The following TXLNB variants were observed in gnomAD, a reference collection of about 807,000 sequenced individuals.
TXLNB encodes taxilin beta.
A neutral mutation model predicts 57.4 loss-of-function variants in TXLNB; 37 were observed. The ratio of observed to expected loss-of-function variants is 0.64; its 90% CI spans 0.50 to 0.85. TXLNB has a LOEUF of 0.85. Among genes scored for constraint, TXLNB ranks in the 40% least tolerant of loss-of-function variants. TXLNB has a pLI of 0.00. For synonymous variants in TXLNB, 302 were observed against 309.6 expected, an observed-to-expected ratio of 0.98 and a Z score of 0.26; for missense variants, 848 against 825.6, an observed-to-expected ratio of 1.03 and a Z score of -0.33.
chr6:139,244,469 G>A (rs1376889946), intron 9 of TXLNB, 126 bp downstream of exon 9: 2 of 678,090 alleles, frequency 2.9e-6, no homozygotes, highest in African/African-American at 1.8e-5. Context: ...GTCACATCCT[G>A]CCACCCCAAA....
chr6:139,277,363 T>G (rs1215170178), intron 2 of TXLNB, among the ~76,000 whole-genome samples: 1 of 152,244 alleles, frequency 6.6e-6, no homozygotes, highest in Non-Finnish European at 1.5e-5. Context: ...AACACGGAGT[T>G]GCTGGGATTC....
At chr6:139,159,816 A>G in the TXLNB span, among the ~76,000 whole-genome samples, 1 of 152,222 alleles carries the variant, frequency 6.6e-6, no homozygotes, top group Non-Finnish European at 1.5e-5. Flanking sequence ...ATGACTTAAG[A>G]AGACCCTCCT....
At chr6:139,175,609 C>T in the TXLNB span, among the ~76,000 whole-genome samples, 6 of 152,150 alleles carry the variant, frequency 3.9e-5, no homozygotes, top group Non-Finnish European at 8.8e-5. Context: ...AAGATTAGCA[C>T]TGGAAAGGAC....
chr6:139,306,612 T>A, the TXLNB span, among the ~76,000 whole-genome samples: 3 of 152,352 alleles, frequency 2.0e-5, no homozygotes, highest in South Asian at 4.1e-4. Flanking sequence ...TATGGGCCTT[T>A]GATCTAAATA....
the TXLNB span, among the ~76,000 whole-genome samples, chr6:139,199,162 C>A: frequency 0.05 from 7,664 of 152,146 alleles, 211 homozygotes; most frequent in African/African-American, 0.064. Flanking sequence ...ATTCACACTC[C>A]GTTCAGCAAA....
chr6:139,166,371 A>G, the TXLNB span: 2 of 1,614,090 alleles, frequency 1.2e-6, no homozygotes, highest in African/African-American at 2.7e-5. Context: ...GTGTGCAACA[A>G]CGAGCACTGC....
the TXLNB span, among the ~76,000 whole-genome samples, chr6:139,172,950 C>T: frequency 1.3e-5 from 2 of 152,216 alleles, no homozygotes; most frequent in African/African-American, 2.4e-5. Flanking sequence ...TTATGGTCAT[C>T]GTTAGCAACA....
In TXLNB at chr6:139,288,453, C is replaced by T. The variant is rs949823219; in HGVS notation, c.424+23G>A. 4 of 1,603,640 alleles carry T rather than the reference C, an allele frequency of 2.5e-6. No homozygotes were observed. The South Asian group carries it at 3.3e-5, about 13-fold the overall frequency. ...TTAGGAATACCATACAGAAAAGTCA[C>T]ATATTTGAACATAACTACTTGCCTA... On this transcript the variant is annotated intron_variant, in intron 2 of 9. Transcript: ENST00000358430.
the TXLNB span, among the ~76,000 whole-genome samples, chr6:139,168,482 C>T: frequency 3.3e-5 from 5 of 149,698 alleles, no homozygotes; most frequent in African/African-American, 1.2e-4. Context: ...CTTTACAAAC[C>T]ATCTTTCAAA....
chr6:139,300,443 A>G, the TXLNB span, among the ~76,000 whole-genome samples: 6 of 152,056 alleles, frequency 3.9e-5, no homozygotes, highest in Non-Finnish European at 7.4e-5. Flanking sequence ...TATCTTCCCA[A>G]TTATGTCTCT....
chr6:139,251,810 A>C (rs1465145860), intron 7 of TXLNB, among the ~76,000 whole-genome samples: 2 of 152,242 alleles, frequency 1.3e-5, no homozygotes, highest in Admixed American at 1.3e-4. Flanking sequence ...TGAACCTGTG[A>C]GATTTGGTTT....
rs961313251 is a variant in TXLNB at position 139,240,189 on chromosome 6, A to G, written c.*2337T>C. ...AATAGTTACATACACTTGATAAAGA[A>G]CAGACATTCCTTCTGAATTTAGAAC... On this transcript the variant is annotated 3_prime_UTR_variant, in exon 10 of 10. Coordinates refer to ENST00000358430, the MANE Select transcript of TXLNB (RefSeq NM_153235.4). 2 of 152,652 alleles carry G rather than the reference A, an allele frequency of 1.3e-5. No homozygotes were observed. The highest frequency in any genetic ancestry group is 4.8e-5 in the African/African-American group (2 of 41,460). 9.5% of individuals were successfully genotyped at this position (152,652 alleles called of 1,614,324 possible).
At chr6:139,267,058 T>C (rs932038178) in intron 4 of TXLNB, among the ~76,000 whole-genome samples, 2 of 149,980 alleles carry the variant, frequency 1.3e-5, no homozygotes, top group Admixed American at 6.6e-5. Context: ...AATAAAGATG[T>C]TTTAAAGATA....
chr6:139,252,246 G>GGGCCTT (rs1180244561), intron 7 of TXLNB, among the ~76,000 whole-genome samples: 1 of 152,294 alleles, frequency 6.6e-6, no homozygotes, highest in South Asian at 2.1e-4. Flanking sequence ...CTTAGAAATG[G>GGGCCTT]GGCCTTGGCC....
At chr6:139,162,244 T>C in the TXLNB span, among the ~76,000 whole-genome samples, 6 of 151,974 alleles carry the variant, frequency 3.9e-5, no homozygotes, top group African/African-American at 1.5e-4. Flanking sequence ...GGAGTCAGGA[T>C]AGGGGGGCAA....
At chr6:139,223,839 C>G in the TXLNB span, among the ~76,000 whole-genome samples, 1 of 151,950 alleles carries the variant, frequency 6.6e-6, no homozygotes, top group Non-Finnish European at 1.5e-5. Flanking sequence ...CACTTTTACA[C>G]TGTTGGTGAG....
chr6:139,211,039 G>T, the TXLNB span, among the ~76,000 whole-genome samples: 1 of 152,226 alleles, frequency 6.6e-6, no homozygotes, highest in Non-Finnish European at 1.5e-5. Flanking sequence ...GCCTCTGTAG[G>T]CTCCACCTCT....
upstream of TXLNB, among the ~76,000 whole-genome samples, chr6:139,294,954 A>G (rs910978066): frequency 1.3e-5 from 2 of 151,616 alleles, no homozygotes; most frequent in Non-Finnish European, 2.9e-5. Context: ...GTGCCACTGC[A>G]CTCCAGCCTG....
At chr6:139,186,707 G>A in the TXLNB span, among the ~76,000 whole-genome samples, 1 of 152,108 alleles carries the variant, frequency 6.6e-6, no homozygotes, top group African/African-American at 2.4e-5. Context: ...GCCCCAAAAA[G>A]AAACAATCCA....
Sources: gnomAD v4.1 joint callset for allele counts (sites outside exome capture counted in the v4.1 genomes callset) on GRCh38, gnomAD v4.1.1 for gene constraint, MANE v1.5 for transcripts, NCBI Gene and HGNC (gene_info 2026-07-23, HGNC 2026-07-21) for gene names.